The following INSL6 variants were observed in gnomAD, a reference collection of about 807,000 sequenced individuals.
INSL6 encodes the protein insulin like 6, also known as insulin-like peptide INSL6.
Under a neutral mutation model 9.4 loss-of-function variants are expected in INSL6, and 16 were observed. The observed-to-expected ratio is 1.70, with a 90% CI of 1.15 to 2.59. INSL6 has a LOEUF of 2.59. Among genes scored for constraint, INSL6 ranks in the 30% most tolerant of loss-of-function variants. INSL6 has a pLI of 0.00. For missense variants in INSL6, 391 were observed against 257.3 expected, an observed-to-expected ratio of 1.52 and a Z score of -3.56; for synonymous variants, 154 against 96.9, an observed-to-expected ratio of 1.59 and a Z score of -3.46.
the INSL6 span, among the ~76,000 whole-genome samples, chr9:4,999,026 C>T: frequency 1.3e-5 from 2 of 151,894 alleles, no homozygotes; most frequent in South Asian, 2.1e-4. Flanking sequence ...GGGGTTTCAC[C>T]GTGTTAGCCA....
intron 1 of INSL6, among the ~76,000 whole-genome samples, chr9:5,183,978 AAGT>A (rs1825512557): frequency 6.6e-6 from 1 of 152,178 alleles, no homozygotes; most frequent in African/African-American, 2.4e-5. Context: ...ACTAAAGTAA[AAGT>A]AGAAGACTGG....
chr9:5,082,744 A>G, the INSL6 span, among the ~76,000 whole-genome samples: 1 of 152,240 alleles, frequency 6.6e-6, no homozygotes, highest in Non-Finnish European at 1.5e-5. Context: ...TTGAGACTGG[A>G]GAATGGCGAT....
At chr9:5,183,028 T>C (rs9657576) in intron 1 of INSL6, among the ~76,000 whole-genome samples, 1 of 151,946 alleles carries the variant, frequency 6.6e-6, no homozygotes. Context: ...GACAACTGAC[T>C]TGATCTAACA....
the INSL6 span, among the ~76,000 whole-genome samples, chr9:5,049,029 G>A: frequency 2.0e-5 from 3 of 152,026 alleles, no homozygotes; most frequent in Non-Finnish European, 2.9e-5. Flanking sequence ...GGTCAAAATC[G>A]TAGAACCTCT....
At chr9:5,061,657 C>G in the INSL6 span, among the ~76,000 whole-genome samples, 1 of 152,196 alleles carries the variant, frequency 6.6e-6, no homozygotes, top group African/African-American at 2.4e-5. Context: ...AGAACTTTCT[C>G]TGTATCATCA....
chr9:5,089,708 A>G, the INSL6 span: 1 of 1,513,996 alleles, frequency 6.6e-7, no homozygotes, highest in Non-Finnish European at 8.9e-7. Context: ...TGCCGGTATG[A>G]CCCTCTACAG....
intron 1 of INSL6, among the ~76,000 whole-genome samples, chr9:5,168,661 G>C (rs1194814952): frequency 6.6e-6 from 1 of 151,986 alleles, no homozygotes; most frequent in Non-Finnish European, 1.5e-5. Context: ...ACACACTACA[G>C]TATATCATCC....
exon 4 of INSL6, among the ~76,000 whole-genome samples, chr9:5,124,351 AT>A (rs1304908221): frequency 6.6e-6 from 1 of 151,500 alleles, no homozygotes; most frequent in Non-Finnish European, 1.5e-5. Context: ...CAGATCTTAC[AT>A]TTAAGTCTGT....
chr9:5,122,161 A>G (rs992691411), downstream of INSL6, among the ~76,000 whole-genome samples: 1 of 152,124 alleles, frequency 6.6e-6, no homozygotes, highest in African/African-American at 2.4e-5. Context: ...AGGAGAGATT[A>G]AATCTATGTA....
chr9:5,173,386 A>G (rs1306458151), intron 1 of INSL6, among the ~76,000 whole-genome samples: 1 of 152,242 alleles, frequency 6.6e-6, no homozygotes, highest in Non-Finnish European at 1.5e-5. Context: ...GAGACTGGAT[A>G]TAGAAAATGT....
the INSL6 span, among the ~76,000 whole-genome samples, chr9:5,118,427 C>G: frequency 6.6e-6 from 1 of 152,148 alleles, no homozygotes; most frequent in Non-Finnish European, 1.5e-5. Flanking sequence ...CTGTGACCAA[C>G]AAACTTGTAA....
At chr9:5,104,626 T>A in the INSL6 span, among the ~76,000 whole-genome samples, 1 of 152,234 alleles carries the variant, frequency 6.6e-6, no homozygotes, top group African/African-American at 2.4e-5. Flanking sequence ...TTTAGACCAA[T>A]ATCCCTGATG....
chr9:5,163,813 C>T, downstream of INSL6: 1 of 767,084 alleles, frequency 1.3e-6, no homozygotes, highest in Non-Finnish European at 2.1e-6. Flanking sequence ...TACATTCAGA[C>T]ATTTTTCACA....
At chr9:5,012,640 A>G in the INSL6 span, among the ~76,000 whole-genome samples, 1 of 152,220 alleles carries the variant, frequency 6.6e-6, no homozygotes, top group East Asian at 1.9e-4. Flanking sequence ...CATAGCATTA[A>G]TAAATTAAAT....
chr9:5,096,843 G>T, the INSL6 span: 2 of 152,026 alleles, frequency 1.3e-5, no homozygotes, highest in African/African-American at 4.8e-5. Context: ...TATTGTTACC[G>T]CCCACGAATT....
At chr9:5,126,080 T>C in intron 3 of INSL6, 1 of 302,934 alleles carries the variant, frequency 3.3e-6, no homozygotes, top group Non-Finnish European at 6.0e-6. Flanking sequence ...AAATATGTTT[T>C]TAGTTCATGT....
At chr9:5,055,928 A>G in the INSL6 span, 2 of 688,432 alleles carry the variant, frequency 2.9e-6, no homozygotes, top group East Asian at 2.9e-5. Flanking sequence ...TCAGTTCAGT[A>G]AACTTTTTGA....
chr9:5,168,013 A>C (rs76622638), intron 1 of INSL6, among the ~76,000 whole-genome samples: 18,208 of 152,158 alleles, frequency 0.12, 3,411 homozygotes, highest in African/African-American at 0.4. Flanking sequence ...AAATAAAAAC[A>C]AACAGGGAGC....
the INSL6 span, among the ~76,000 whole-genome samples, chr9:5,005,344 T>C: frequency 6.6e-6 from 1 of 152,004 alleles, no homozygotes; most frequent in East Asian, 1.9e-4. Context: ...GCATTTCTTA[T>C]CTATTTTGGA....
Sources: allele counts gnomAD v4.1 joint callset (sites outside exome capture counted in the v4.1 genomes callset), GRCh38; gene constraint gnomAD v4.1.1; transcripts MANE v1.5; gene names NCBI Gene and HGNC (gene_info 2026-07-23, HGNC 2026-07-21).